EHBP1: variants seen among roughly 807,000 people sequenced by gnomAD.
EHBP1 encodes EH domain binding protein 1.
EHBP1 carries 55 observed loss-of-function variants against 144.0 expected under a neutral mutation model. The ratio of observed to expected loss-of-function variants is 0.38; its 90% CI spans 0.31 to 0.48. The LOEUF (loss-of-function observed/expected upper bound fraction) is 0.48, where lower values mean the gene tolerates loss of function less well. EHBP1 is among the 20% of genes least tolerant of loss of function. The pLI is 0.98. For missense variants in EHBP1, 1,200 were observed against 1,364.2 expected (o/e 0.88, Z 1.90); for synonymous variants, 469 against 472.7 (o/e 0.99, Z 0.10).
chr2:62,873,907 A>T (rs748044274), intron 9 of EHBP1, among the ~76,000 whole-genome samples: 3 of 152,226 alleles, frequency 2.0e-5, no homozygotes, highest in Non-Finnish European at 4.4e-5. Context: ...ATGAACTGCT[A>T]AAACATGTTC....
chr2:62,697,127 C>T (rs889037427), intron 1 of EHBP1, among the ~76,000 whole-genome samples: 2 of 152,134 alleles, frequency 1.3e-5, no homozygotes, highest in Non-Finnish European at 2.9e-5. Flanking sequence ...TAACAGGTTG[C>T]AGATCATTTC....
intron 8 of EHBP1, 35 bp from the exon 9 acceptor site, chr2:62,864,696 T>G: frequency 6.4e-7 from 1 of 1,568,156 alleles, no homozygotes; most frequent in Non-Finnish European, 8.7e-7. Context: ...CATATGGTAT[T>G]CATGTGATTT....
At chr2:62,691,244 G>T (rs2033893835) in intron 1 of EHBP1, among the ~76,000 whole-genome samples, 2 of 152,160 alleles carry the variant, frequency 1.3e-5, no homozygotes, top group African/African-American at 4.8e-5. Context: ...CTGGTGATAG[G>T]CAGTTCAGGG....
chr2:62,988,112 A>G (rs1039951809), intron 15 of EHBP1: 8 of 781,906 alleles, frequency 1.0e-5, no homozygotes, highest in Admixed American at 2.4e-5. Flanking sequence ...TTATCTCATC[A>G]ATAATAATAA....
chr2:62,858,352 T>C, intron 7 of EHBP1: 1 of 1,218,124 alleles, frequency 8.2e-7, no homozygotes. Context: ...CTCCTACTTC[T>C]CTTTAATTAA....
chr2:62,802,327 G>A (rs1035230814), intron 5 of EHBP1, among the ~76,000 whole-genome samples: 2 of 152,162 alleles, frequency 1.3e-5, no homozygotes, highest in Non-Finnish European at 2.9e-5. Context: ...TGGCCATCTA[G>A]TGGGTAGAAG....
chr2:62,693,846 C>T (rs1367893625), intron 1 of EHBP1, among the ~76,000 whole-genome samples: 1 of 152,136 alleles, frequency 6.6e-6, no homozygotes, highest in African/African-American at 2.4e-5. Context: ...TTTTAGCTCC[C>T]ACATATGAGT....
intron 14 of EHBP1, among the ~76,000 whole-genome samples, chr2:62,968,975 A>T (rs563366540): frequency 7.9e-5 from 12 of 152,346 alleles, no homozygotes; most frequent in African/African-American, 2.9e-4. Flanking sequence ...GAGGCCTTGG[A>T]TGTAACACAA....
chr2:62,717,977 T>C (rs570650437), intron 2 of EHBP1, among the ~76,000 whole-genome samples: 4 of 152,226 alleles, frequency 2.6e-5, no homozygotes, highest in Non-Finnish European at 4.4e-5. Flanking sequence ...GGGATGCACA[T>C]TGGCTCTTTA....
chr2:62,852,957 A>G (rs2048784727), intron 7 of EHBP1, among the ~76,000 whole-genome samples: 1 of 152,212 alleles, frequency 6.6e-6, no homozygotes, highest in South Asian at 2.1e-4. Flanking sequence ...TTGGGATTAA[A>G]AAGTTCAATT....
At chr2:62,922,873 A>T (rs1170499305) in intron 10 of EHBP1, among the ~76,000 whole-genome samples, 1 of 152,174 alleles carries the variant, frequency 6.6e-6, no homozygotes, top group Non-Finnish European at 1.5e-5. Context: ...TAAGCAGAAG[A>T]TCTCCATTAA....
intron 2 of EHBP1, among the ~76,000 whole-genome samples, chr2:62,715,225 C>A (rs1225264476): frequency 1.3e-5 from 2 of 152,140 alleles, no homozygotes; most frequent in Non-Finnish European, 2.9e-5. Flanking sequence ...AGCAATTCTT[C>A]TGCCTCGGCC....
chr2:62,817,432 G>A (rs2045526716), intron 5 of EHBP1, among the ~76,000 whole-genome samples: 1 of 152,146 alleles, frequency 6.6e-6, no homozygotes, highest in Non-Finnish European at 1.5e-5. Context: ...ATTGGAGAAA[G>A]TAAGGAGGCC....
intron 9 of EHBP1, among the ~76,000 whole-genome samples, chr2:62,867,339 G>T (rs935412471): frequency 6.6e-6 from 1 of 151,958 alleles, no homozygotes; most frequent in African/African-American, 2.4e-5. Flanking sequence ...AAAAGCATAA[G>T]GAATCTTTAA....
chr2:62,982,187 A>T (rs2059002984), intron 15 of EHBP1, among the ~76,000 whole-genome samples: 1 of 152,214 alleles, frequency 6.6e-6, no homozygotes, highest in South Asian at 2.1e-4. Flanking sequence ...TGATTCATAT[A>T]CATTTATTTA....
intron 19 of EHBP1, among the ~76,000 whole-genome samples, chr2:63,026,498 A>G (rs1348860738): frequency 6.6e-6 from 1 of 152,216 alleles, no homozygotes; most frequent in Non-Finnish European, 1.5e-5. Flanking sequence ...AAATAGTACC[A>G]TTGTTTCCTT....
intron 5 of EHBP1, among the ~76,000 whole-genome samples, chr2:62,787,849 C>T (rs1397770907): frequency 1.3e-5 from 2 of 152,140 alleles, no homozygotes; most frequent in African/African-American, 4.8e-5. Context: ...GGCACTGTGT[C>T]AAACAATACT....
At position 62,991,684 on chromosome 2, in the gene EHBP1, T is replaced by G. The variant is rs540847996; in HGVS notation, c.2733+844T>G. On this transcript the variant is annotated intron_variant, in intron 16 of 22. Coordinates refer to ENST00000431489, the MANE Select transcript of EHBP1 (RefSeq NM_001142616.3). ...ACTGTTTATATTATTCCCACCCACA[T>G]GTTTCCCTGCTTTCCTCACAGTGAT... Among the ~76,000 whole-genome samples the G allele has an allele frequency of 3.3e-5, 5 of 152,320 alleles. No individual in the cohort carries two copies. The South Asian group carries it at 1.0e-3, about 32-fold the overall frequency.
chr2:62,937,834 G>A (rs1435654654), intron 10 of EHBP1, among the ~76,000 whole-genome samples: 2 of 152,070 alleles, frequency 1.3e-5, no homozygotes, highest in South Asian at 4.1e-4. Flanking sequence ...TCAATACTTC[G>A]AAGTATTTTG....
Sources: allele counts gnomAD v4.1 joint callset (sites outside exome capture counted in the v4.1 genomes callset), GRCh38; gene constraint gnomAD v4.1.1; transcripts MANE v1.5; gene names NCBI Gene and HGNC (gene_info 2026-07-23, HGNC 2026-07-21).